ANKS1B: variants seen among roughly 807,000 people sequenced by gnomAD.
ANKS1B encodes the protein ankyrin repeat and sterile alpha motif domain-containing protein 1B.
In ANKS1B, 36 loss-of-function variants were observed where a neutral mutation model predicts 148.3. The ratio of observed to expected loss-of-function variants is 0.24; its 90% confidence interval spans 0.19 to 0.32. The LOEUF is 0.32. ANKS1B is among the 10% of genes least tolerant of loss of function. ANKS1B has a pLI of 1.00. For missense variants in ANKS1B, 1,157 were observed against 1,542.6 expected (o/e 0.75, Z 4.19); for synonymous variants, 542 against 560.8 (o/e 0.97, Z 0.47).
At chr12:99,089,289 T>G (rs2053220234) in intron 15 of ANKS1B, among the ~76,000 whole-genome samples, 1 of 151,916 alleles carries the variant, frequency 6.6e-6, no homozygotes. Flanking sequence ...CCCAGTACAC[T>G]CCAGTCCCAT....
intron 10 of ANKS1B, among the ~76,000 whole-genome samples, chr12:99,496,959 C>A (rs2096610370): frequency 6.6e-6 from 1 of 152,136 alleles, no homozygotes. Context: ...TTGCCTCTCC[C>A]TATTATGTAT....
At chr12:99,601,148 G>A in intron 9 of ANKS1B, among the ~76,000 whole-genome samples, 1 of 152,016 alleles carries the variant, frequency 6.6e-6, no homozygotes, top group Non-Finnish European at 1.5e-5. Flanking sequence ...TCTGTGGATG[G>A]AGTCAGCATT....
chr12:99,113,027 C>A (rs777169797), intron 15 of ANKS1B, among the ~76,000 whole-genome samples: 2 of 152,150 alleles, frequency 1.3e-5, no homozygotes, highest in Non-Finnish European at 2.9e-5. Flanking sequence ...TATGGAACTT[C>A]GAGTATGCAT....
intron 4 of ANKS1B, among the ~76,000 whole-genome samples, chr12:99,801,210 T>C (rs1304273720): frequency 2.6e-5 from 4 of 152,166 alleles, no homozygotes; most frequent in African/African-American, 4.8e-5. Context: ...TTCTCTCTTA[T>C]GCACAATCAA....
chr12:99,292,938 C>T lies in ANKS1B; in HGVS notation c.1757-46074G>A, dbSNP rs144006700. Among the ~76,000 whole-genome samples the T allele has an allele frequency of 4.9e-3, 743 of 150,776 alleles. 5 individuals are homozygous for T. Among genetic ancestry groups the T allele is most frequent in the South Asian group, 0.022 (103 of 4,728 alleles). On this transcript the variant is annotated intron_variant, in intron 12 of 26. Coordinates refer to ENST00000683438, the MANE Select transcript of ANKS1B (RefSeq NM_001352186.2). ...TTAGTTCAACCATTGTGGAAGACAGCGTGGCGATTCCTCAAGGATCTAGAA... is the reference window on the plus strand; with the variant it reads ...TTAGTTCAACCATTGTGGAAGACAGTGTGGCGATTCCTCAAGGATCTAGAA...
chr12:99,825,302 C>A lies in ANKS1B; in HGVS notation c.215+7G>T. The A allele has an allele frequency of 6.2e-7, 1 of 1,609,530 alleles. No homozygotes were observed. On this transcript the variant is annotated splice_region_variant and intron_variant, in intron 2 of 26. Transcript: ENST00000683438. ...CACACGATTCCGTCCAAATAAGTGG[C>A]ACTTACTTATGTCCATTTAAGGCTG...
At chr12:99,446,311 A>C (rs2152805191) in intron 10 of ANKS1B, among the ~76,000 whole-genome samples, 1 of 152,208 alleles carries the variant, frequency 6.6e-6, no homozygotes, top group Non-Finnish European at 1.5e-5. Context: ...AGTGAAAGGA[A>C]GTTTTATTAG....
chr12:99,880,130 C>T (rs533020731), intron 1 of ANKS1B, among the ~76,000 whole-genome samples: 80 of 152,278 alleles, frequency 5.3e-4, no homozygotes, highest in African/African-American at 1.9e-3. Flanking sequence ...AAATGCCTGG[C>T]ACACAAGTAT....
chr12:99,823,775 G>A (rs1399757423), intron 2 of ANKS1B, among the ~76,000 whole-genome samples: 3 of 152,180 alleles, frequency 2.0e-5, no homozygotes, highest in Non-Finnish European at 4.4e-5. Flanking sequence ...TATGGTGAAA[G>A]GTTAAGGTCC....
intron 9 of ANKS1B, among the ~76,000 whole-genome samples, chr12:99,604,017 C>G (rs2097828716): frequency 6.6e-6 from 1 of 152,094 alleles, no homozygotes; most frequent in South Asian, 2.1e-4. Flanking sequence ...CCTGAACTTT[C>G]TTGAAGACAC....
intron 15 of ANKS1B, among the ~76,000 whole-genome samples, chr12:99,124,670 A>G (rs1311503109): frequency 6.6e-6 from 1 of 152,158 alleles, no homozygotes; most frequent in Non-Finnish European, 1.5e-5. Context: ...AATGATAGAG[A>G]ATAGAACACA....
chr12:99,544,895 C>T lies in ANKS1B; in HGVS notation c.1273-40254G>A, dbSNP rs569153202. 7.2e-5 allele frequency among the ~76,000 whole-genome samples: 11 copies of T among 152,186 alleles called. No homozygotes were observed. The East Asian group carries it at 1.7e-3, about 24-fold the overall frequency. On this transcript the variant is annotated intron_variant, in intron 9 of 26. Coordinates refer to ENST00000683438, the MANE Select transcript of ANKS1B (RefSeq NM_001352186.2). ...TGTTTTCTTCTTCTGGCTAAAAGTG[C>T]CTGCTGTTTTAACTCTTCCACTGCA...
At chr12:99,929,183 T>C (rs551611588) in intron 1 of ANKS1B, among the ~76,000 whole-genome samples, 4 of 152,338 alleles carry the variant, frequency 2.6e-5, no homozygotes, top group African/African-American at 7.2e-5. Context: ...TCTTATCCTA[T>C]TGCAATGTTC....
At chr12:99,373,180 A>C (rs1020289340) in intron 12 of ANKS1B, among the ~76,000 whole-genome samples, 3 of 152,128 alleles carry the variant, frequency 2.0e-5, no homozygotes, top group African/African-American at 4.8e-5. Flanking sequence ...ACCACTAGTG[A>C]GAAATAAGAG....
intron 17 of ANKS1B, among the ~76,000 whole-genome samples, chr12:98,868,234 G>C (rs967054255): frequency 6.6e-6 from 1 of 152,076 alleles, no homozygotes; most frequent in Non-Finnish European, 1.5e-5. Context: ...TGGGCCCGAG[G>C]GGGCTGGAGG....
intron 9 of ANKS1B, among the ~76,000 whole-genome samples, chr12:99,628,284 C>A (rs1438008957): frequency 6.6e-6 from 1 of 152,152 alleles, no homozygotes; most frequent in Non-Finnish European, 1.5e-5. Flanking sequence ...GGTAATTAGG[C>A]AGTTCCTGAC....
chr12:99,659,025 A>C (rs2098463422), intron 8 of ANKS1B, among the ~76,000 whole-genome samples: 1 of 152,198 alleles, frequency 6.6e-6, no homozygotes, highest in African/African-American at 2.4e-5. Context: ...GACTACCTAG[A>C]AAATTTTACT....
intron 12 of ANKS1B, among the ~76,000 whole-genome samples, chr12:99,276,394 G>A (rs751224085): frequency 6.6e-6 from 1 of 152,158 alleles, no homozygotes; most frequent in Non-Finnish European, 1.5e-5. Flanking sequence ...AAAGTAAAAT[G>A]ATGCTGTTAT....
At chr12:99,676,914 G>T (rs2098577061) in intron 8 of ANKS1B, among the ~76,000 whole-genome samples, 1 of 152,092 alleles carries the variant, frequency 6.6e-6, no homozygotes, top group South Asian at 2.1e-4. Context: ...ATTTTAAAAG[G>T]GAGGAATGGA....
Sources: allele counts gnomAD v4.1 joint callset (sites outside exome capture counted in the v4.1 genomes callset), GRCh38; gene constraint gnomAD v4.1.1; transcripts MANE v1.5; gene names NCBI Gene and HGNC (gene_info 2026-07-23, HGNC 2026-07-21).